The following MCU variants were observed in gnomAD, a reference collection of about 807,000 sequenced individuals.
MCU encodes the protein mitochondrial calcium uniporter.
Under a neutral mutation model 45.2 loss-of-function variants are expected in MCU, and 12 were observed. The observed-to-expected ratio is 0.27, with a 90% CI of 0.17 to 0.43. MCU has a LOEUF of 0.43. MCU is among the 20% of genes least tolerant of loss of function. The pLI, the probability that MCU is intolerant of heterozygous loss-of-function variation, is 1.00. For synonymous variants in MCU, 160 were observed against 165.1 expected (o/e 0.97, Z 0.24); for missense variants, 324 against 436.7 (o/e 0.74, Z 2.30).
chr10:72,729,477 A>G (rs1242897981), intron 1 of MCU, among the ~76,000 whole-genome samples: 2 of 152,180 alleles, frequency 1.3e-5, no homozygotes, highest in African/African-American at 4.8e-5. Context: ...CTCAAAAAAG[A>G]AAAAAAGAAA....
intron 1 of MCU, among the ~76,000 whole-genome samples, chr10:72,737,925 C>CT: frequency 1.3e-5 from 2 of 152,268 alleles, no homozygotes; most frequent in Middle Eastern, 3.4e-3. Flanking sequence ...ACTCCGTATT[C>CT]TTTCTGCTTT....
At chr10:72,782,763 G>C (rs1389548893) in intron 1 of MCU, among the ~76,000 whole-genome samples, 1 of 152,188 alleles carries the variant, frequency 6.6e-6, no homozygotes, top group African/African-American at 2.4e-5. Context: ...TGTGTGTCTA[G>C]TTCCTCTCAC....
intron 1 of MCU, among the ~76,000 whole-genome samples, chr10:72,702,595 C>CT (rs567394676): frequency 4.6e-5 from 7 of 152,086 alleles, no homozygotes; most frequent in Non-Finnish European, 8.8e-5. Flanking sequence ...GGCTGTGCTT[C>CT]TTTTTTTTCT....
At chr10:72,875,615 TA>T (rs1263331292) in intron 6 of MCU, among the ~76,000 whole-genome samples, 2 of 152,258 alleles carry the variant, frequency 1.3e-5, no homozygotes, top group Non-Finnish European at 2.9e-5. Flanking sequence ...CAATGGCATT[TA>T]AACTCTTCTA....
At chr10:72,711,316 G>T (rs1272318366) in intron 1 of MCU, among the ~76,000 whole-genome samples, 2 of 150,798 alleles carry the variant, frequency 1.3e-5, no homozygotes, top group Non-Finnish European at 2.9e-5. Flanking sequence ...CACTTCCTGG[G>T]TTCAAGTGAT....
chr10:72,821,051 C>G (rs1210096917), intron 1 of MCU, among the ~76,000 whole-genome samples: 1 of 152,048 alleles, frequency 6.6e-6, no homozygotes, highest in Non-Finnish European at 1.5e-5. Context: ...ATTCTGCTAA[C>G]TGAAATGGAT....
chr10:72,828,502 C>G (rs1844831027), intron 1 of MCU, among the ~76,000 whole-genome samples: 1 of 152,084 alleles, frequency 6.6e-6, no homozygotes, highest in Non-Finnish European at 1.5e-5. Context: ...TCCTCCCCCT[C>G]AGCATTCCCC....
intron 1 of MCU, among the ~76,000 whole-genome samples, chr10:72,729,263 G>A (rs1564540349): frequency 6.6e-6 from 1 of 152,134 alleles, no homozygotes; most frequent in Non-Finnish European, 1.5e-5. Context: ...TCAGGAGTTC[G>A]AGACCAGCCT....
Position 72,752,220 on chromosome 10 carries a change from G to T in MCU, c.150+59919G>T, listed in dbSNP as rs144423151. Among the ~76,000 whole-genome samples the T allele has an allele frequency of 6.8e-3, 1,033 of 151,576 alleles. 10 individuals are homozygous for T. The highest frequency in any genetic ancestry group is 0.024 in the African/African-American group (985 of 41,312). On this transcript the variant is annotated intron_variant, in intron 1 of 7. Coordinates refer to ENST00000373053, the MANE Select transcript of MCU (RefSeq NM_138357.3). ...ACTTTTCACGCATTATCTCAGAGAA[G>T]ATCAGTCTGCTGAGGACATAAGTGA...
chr10:72,805,093 CTTTCTTTCTCTT>C (rs1299658332), intron 1 of MCU, among the ~76,000 whole-genome samples: 3 of 143,360 alleles, frequency 2.1e-5, no homozygotes, highest in African/African-American at 8.6e-5. Flanking sequence ...TTCTTTCTTT[CTTTCTTTCTCTT>C]TCTTTCTTTC....
At chr10:72,750,693 T>A (rs1341250235) in intron 1 of MCU, among the ~76,000 whole-genome samples, 1 of 152,246 alleles carries the variant, frequency 6.6e-6, no homozygotes, top group African/African-American at 2.4e-5. Flanking sequence ...TCTATGAATT[T>A]ACATAGATTT....
intron 1 of MCU, among the ~76,000 whole-genome samples, chr10:72,812,977 CT>C (rs1564564625): frequency 6.6e-6 from 1 of 152,166 alleles, no homozygotes; most frequent in Admixed American, 6.5e-5. Context: ...TCATCACTGT[CT>C]TTTCTAAGCT....
At chr10:72,763,468 G>A (rs895891781) in intron 1 of MCU, among the ~76,000 whole-genome samples, 3 of 152,038 alleles carry the variant, frequency 2.0e-5, no homozygotes, top group Non-Finnish European at 2.9e-5. Context: ...AGCTACATGA[G>A]TATATATAGA....
chr10:72,756,147 G>T (rs951467406), intron 1 of MCU, among the ~76,000 whole-genome samples: 12 of 152,016 alleles, frequency 7.9e-5, no homozygotes, highest in African/African-American at 2.7e-4. Flanking sequence ...CACCACACCT[G>T]GCTAATTTTT....
intron 1 of MCU, among the ~76,000 whole-genome samples, chr10:72,750,079 C>T (rs1194979817): frequency 6.6e-6 from 1 of 151,908 alleles, no homozygotes; most frequent in East Asian, 1.9e-4. Context: ...GCCACTGTGC[C>T]CAGCCTTTGC....
chr10:72,822,226 C>T (rs553071948), intron 1 of MCU, among the ~76,000 whole-genome samples: 5 of 152,114 alleles, frequency 3.3e-5, no homozygotes, highest in Admixed American at 2.6e-4. Flanking sequence ...GAGCCGAGAT[C>T]GCACCACTGC....
chr10:72,863,435 T>C (rs1246057992), intron 4 of MCU, among the ~76,000 whole-genome samples: 1 of 152,182 alleles, frequency 6.6e-6, no homozygotes, highest in South Asian at 2.1e-4. Context: ...GGGAGCTAGC[T>C]GGGAGAAAGT....
At chr10:72,748,928 A>T (rs1843455524) in intron 1 of MCU, among the ~76,000 whole-genome samples, 1 of 152,178 alleles carries the variant, frequency 6.6e-6, no homozygotes, top group Non-Finnish European at 1.5e-5. Context: ...CTAAATTGGG[A>T]TGAAAAGCAC....
At chr10:72,845,968 C>G (rs949218559) in intron 2 of MCU, among the ~76,000 whole-genome samples, 2 of 152,076 alleles carry the variant, frequency 1.3e-5, no homozygotes, top group Non-Finnish European at 2.9e-5. Flanking sequence ...CCCCTTTTTC[C>G]ATGGCTTCAC....
Sources: allele counts gnomAD v4.1 joint callset (sites outside exome capture counted in the v4.1 genomes callset), GRCh38; gene constraint gnomAD v4.1.1; transcripts MANE v1.5; gene names NCBI Gene and HGNC (gene_info 2026-07-23, HGNC 2026-07-21).